Variants in NPEPL1 observed in about 807,000 individuals in gnomAD.
The protein encoded by NPEPL1 is aminopeptidase like 1, also known as probable aminopeptidase NPEPL1.
A neutral mutation model predicts 52.4 loss-of-function variants in NPEPL1; 45 were observed. The observed-to-expected ratio is 0.86, with a 90% CI of 0.68 to 1.10. NPEPL1 has a LOEUF of 1.10. Ranked by LOEUF, NPEPL1 falls within the 50% of genes least tolerant of loss-of-function variation. The pLI is 0.00. For synonymous variants in NPEPL1, 360 were observed against 314.7 expected, an observed-to-expected ratio of 1.14 and a Z score of -1.52; for missense variants, 696 against 710.9, an observed-to-expected ratio of 0.98 and a Z score of 0.24.
chr20:58,712,451 T>G (rs751667568), intron 7 of NPEPL1, 28 bp from the exon 8 acceptor site: 1 of 1,509,154 alleles, frequency 6.6e-7, no homozygotes, highest in South Asian at 1.1e-5. Context: ...GACCTACAAC[T>G]GGAGCCTCTG....
At position 58,699,229 on chromosome 20, in the gene NPEPL1, C is replaced by G. The variant is rs2084559654; in HGVS notation, c.630C>G (p.Ile210Met). 1.2e-6 allele frequency: 2 copies of G among 1,604,820 alleles called. No homozygotes were observed. Among genetic ancestry groups the G allele is most frequent in the African/African-American group, 2.7e-5 (2 of 74,810 alleles). ...EINKVGKELG[I>M]IPTIIRDEEL... ...ACAAAGTTGGAAAGGAGCTGGGGAT[C>G]ATCCCAACCATCATCCGGGATGAGG... Residue 210 changes from isoleucine to methionine, a missense_variant, in exon 5 of 12, where the codon ATC becomes ATG. By Grantham distance (10) the Ile-to-Met change is conservative (BLOSUM62 1). Transcript: ENST00000356091.
intron 7 of NPEPL1, among the ~76,000 whole-genome samples, chr20:58,712,054 A>G (rs986610072): frequency 2.6e-5 from 4 of 152,224 alleles, no homozygotes; most frequent in East Asian, 1.9e-4. Context: ...TCAGAAAGCC[A>G]TAACTTCACA....
At chr20:58,710,941 A>G (rs190606113) in intron 7 of NPEPL1, 14 of 152,384 alleles carry the variant, frequency 9.2e-5, no homozygotes, top group East Asian at 5.8e-4. Flanking sequence ...TGTTAGTAAT[A>G]TGGGTTCTCA....
At chr20:58,706,879 A>G (rs529263259) in intron 6 of NPEPL1, among the ~76,000 whole-genome samples, 4 of 152,250 alleles carry the variant, frequency 2.6e-5, no homozygotes, top group African/African-American at 7.2e-5. Flanking sequence ...AGTTCTGTCA[A>G]AACAAAAGGG....
chr20:58,695,097 GT>G, intron 3 of NPEPL1, among the ~76,000 whole-genome samples: 2 of 148,458 alleles, frequency 1.3e-5, no homozygotes, highest in African/African-American at 2.5e-5. Context: ...TGTGGTATGT[GT>G]TGCTGTGTGT....
chr20:58,691,772 T>C, upstream of NPEPL1: 1 of 1,512,468 alleles, frequency 6.6e-7, no homozygotes, highest in Non-Finnish European at 8.9e-7. Flanking sequence ...CTTATGGAAC[T>C]ACATGGAGGT....
chr20:58,703,169 A>AT (rs2084668759), intron 6 of NPEPL1, among the ~76,000 whole-genome samples: 2 of 152,140 alleles, frequency 1.3e-5, no homozygotes, highest in African/African-American at 2.4e-5. Context: ...TGGGTAGTAG[A>AT]TTTTGTGTCG....
intron 3 of NPEPL1, among the ~76,000 whole-genome samples, chr20:58,695,471 C>T (rs1287943071): frequency 6.6e-6 from 1 of 152,214 alleles, no homozygotes; most frequent in East Asian, 1.9e-4. Flanking sequence ...ATGGGCCTGA[C>T]ATCAGGCTCC....
At chr20:58,693,170 C>T (rs1201193303) in intron 1 of NPEPL1, 120 bp downstream of exon 1, 18 of 704,490 alleles carry the variant, frequency 2.6e-5, no homozygotes, top group South Asian at 1.2e-4. Flanking sequence ...CCAACGAGGC[C>T]GGGCCGCCTC....
Position 58,714,076 on chromosome 20 carries a change from A to G in NPEPL1, c.1285A>G (p.Met429Val). 1 of 1,550,054 alleles carries G rather than the reference A, an allele frequency of 6.5e-7. No homozygotes were observed. The highest frequency in any genetic ancestry group is 8.7e-7 in the Non-Finnish European group (1 of 1,148,932). ...FSEFTSAVAD[M>V]KNSVADRDNS... The stretch of plus-strand genomic sequence containing the variant: ...CGAGTTCACCTCAGCTGTGGCGGAC[A>G]TGAAGAACTCAGTGGCGGTAGGTTT... Residue 429 changes from methionine to valine, a missense_variant, in exon 10 of 12, where the codon ATG becomes GTG. Physicochemically the swap from Met to Val is conservative, Grantham distance 21. Transcript: ENST00000356091.
chr20:58,707,099 C>T, intron 6 of NPEPL1, 24 bp from the exon 7 acceptor site: 2 of 1,549,910 alleles, frequency 1.3e-6, no homozygotes, highest in Non-Finnish European at 1.7e-6. Context: ...CACCTTTGTC[C>T]TGGTCCCTTT....
At chr20:58,693,692 C>T (rs1212495827) in intron 1 of NPEPL1, 45 bp from the exon 2 acceptor site, 2 of 1,544,322 alleles carry the variant, frequency 1.3e-6, no homozygotes, top group Non-Finnish European at 1.8e-6. Flanking sequence ...TGGCACGTGG[C>T]CGCTGTTTGA....
Position 58,707,111 on chromosome 20 carries a change from TA to T in NPEPL1, c.823-11del. 6.4e-7 allele frequency: 1 copy of T among 1,550,736 alleles called. No homozygotes were observed. The highest frequency in any genetic ancestry group is 8.7e-7 in the Non-Finnish European group (1 of 1,146,948). ...GCTCACCTTTGTCCTGGTCCCTTTG[TA>T]CCACCCGCAGACTACCATGCCGGGG... On this transcript the variant is annotated splice_polypyrimidine_tract_variant and intron_variant, in intron 6 of 11. Transcript: ENST00000356091.
chr20:58,690,381 G>A (rs1179185843), upstream of NPEPL1, among the ~76,000 whole-genome samples: 1 of 152,174 alleles, frequency 6.6e-6, no homozygotes, highest in African/African-American at 2.4e-5. Context: ...TTCATTGACA[G>A]TGAAATATAT....
chr20:58,712,402 G>A (rs2123150011), intron 7 of NPEPL1, 77 bp from the exon 8 acceptor site: 3 of 928,252 alleles, frequency 3.2e-6, no homozygotes, highest in Non-Finnish European at 3.5e-6. Flanking sequence ...CTGTGGGTCT[G>A]AGAACCCCCA....
intron 6 of NPEPL1, among the ~76,000 whole-genome samples, chr20:58,702,637 G>A (rs572446428): frequency 9.2e-5 from 14 of 152,230 alleles, no homozygotes; most frequent in African/African-American, 2.6e-4. Context: ...GCATCTACAC[G>A]TTTGACAATG....
At chr20:58,691,259 T>C (rs2084337688), upstream of NPEPL1, 2 of 670,446 alleles carry the variant, frequency 3.0e-6, no homozygotes, top group African/African-American at 3.6e-5. Context: ...GTGAAAACAT[T>C]CAGCTGCTGT....
intron 3 of NPEPL1, among the ~76,000 whole-genome samples, chr20:58,695,679 T>A (rs1358660824): frequency 2.0e-5 from 3 of 152,240 alleles, no homozygotes; most frequent in African/African-American, 7.2e-5. Flanking sequence ...GTGTGCTCTC[T>A]GAGGCCTGTA....
At chr20:58,705,570 G>A (rs1208598985) in intron 6 of NPEPL1, 1 of 456,148 alleles carries the variant, frequency 2.2e-6, no homozygotes, top group Non-Finnish European at 4.4e-6. Flanking sequence ...CACAGGGGGT[G>A]TAAGTGTCAG....
Sources: gnomAD v4.1 joint callset for allele counts (sites outside exome capture counted in the v4.1 genomes callset) on GRCh38, gnomAD v4.1.1 for gene constraint, MANE v1.5 for transcripts, NCBI Gene and HGNC (gene_info 2026-07-23, HGNC 2026-07-21) for gene names.